SLCO5A1: variants seen among roughly 807,000 people sequenced by gnomAD.
The protein encoded by SLCO5A1 is solute carrier organic anion transporter family member 5A1.
Under a neutral mutation model 65.1 loss-of-function variants are expected in SLCO5A1, and 39 were observed. That is an observed-to-expected ratio of 0.60 (90% CI 0.46 to 0.78). The LOEUF is 0.78. SLCO5A1 is among the 30% of genes least tolerant of loss of function. The pLI is 0.00. For missense variants in SLCO5A1, 1,029 were observed against 1,069.4 expected (o/e 0.96, Z 0.53); for synonymous variants, 438 against 415.7 (o/e 1.05, Z -0.65).
intron 2 of SLCO5A1, among the ~76,000 whole-genome samples, chr8:69,763,874 C>T (rs1435118112): frequency 6.6e-6 from 1 of 151,758 alleles, no homozygotes; most frequent in Non-Finnish European, 1.5e-5. Flanking sequence ...AATCAATAAA[C>T]ACTTTTTTTT....
At chr8:69,814,801 A>G (rs1820337499) in intron 2 of SLCO5A1, among the ~76,000 whole-genome samples, 1 of 151,910 alleles carries the variant, frequency 6.6e-6, no homozygotes, top group South Asian at 2.1e-4. Context: ...GAATGGATAT[A>G]GAAAACTATT....
intron 2 of SLCO5A1, among the ~76,000 whole-genome samples, chr8:69,817,701 C>T (rs1468167800): frequency 6.6e-6 from 1 of 152,180 alleles, no homozygotes; most frequent in Non-Finnish European, 1.5e-5. Context: ...TGGAGAGAAC[C>T]TCAGCCAACC....
intron 2 of SLCO5A1, among the ~76,000 whole-genome samples, chr8:69,775,882 G>A (rs1195195489): frequency 6.6e-6 from 1 of 152,142 alleles, no homozygotes; most frequent in East Asian, 1.9e-4. Context: ...AGGTGTGGTG[G>A]TGGATGCCTG....
intron 6 of SLCO5A1, among the ~76,000 whole-genome samples, chr8:69,687,886 A>G (rs1814070063): frequency 6.6e-6 from 1 of 151,770 alleles, no homozygotes; most frequent in Non-Finnish European, 1.5e-5. Flanking sequence ...ATATAACATA[A>G]CATATGTTAA....
chr8:69,695,491 G>A (rs1016179765), intron 6 of SLCO5A1, among the ~76,000 whole-genome samples: 6 of 151,688 alleles, frequency 4.0e-5, no homozygotes, highest in Admixed American at 1.3e-4. Context: ...GCGAGATTCC[G>A]TCTCAAAAAT....
Position 69,732,743 on chromosome 8 carries a change from G to T in SLCO5A1, c.1423+5297C>A, listed in dbSNP as rs1230639330. Among the ~76,000 whole-genome samples the T allele has an allele frequency of 2.6e-5, 4 of 152,058 alleles. 1 individual carries two copies. The highest frequency in any genetic ancestry group is 5.9e-5 in the Non-Finnish European group (4 of 68,006). ...ATCTCTACTAAAAATACAAAAATTA[G>T]CTAGGCATGGTGGCGCATGCCTGTA... is the stretch of plus-strand genomic sequence containing the variant. On this transcript the variant is annotated intron_variant, in intron 5 of 9. Transcript: ENST00000260126.
chr8:69,745,116 ACTGGTAATAC>A (rs1448965233), intron 4 of SLCO5A1, among the ~76,000 whole-genome samples: 1 of 152,214 alleles, frequency 6.6e-6, no homozygotes, highest in East Asian at 1.9e-4. Flanking sequence ...TGTTGTATTA[ACTGGTAATAC>A]TAGTGAATGC....
At chr8:69,750,253 G>A (rs556436034) in intron 4 of SLCO5A1, among the ~76,000 whole-genome samples, 5 of 152,238 alleles carry the variant, frequency 3.3e-5, no homozygotes, top group Admixed American at 2.6e-4. Context: ...AAGGGGGCAA[G>A]GGTCGATGCA....
intron 2 of SLCO5A1, among the ~76,000 whole-genome samples, chr8:69,783,689 A>G (rs1053845692): frequency 6.6e-6 from 1 of 152,126 alleles, no homozygotes; most frequent in African/African-American, 2.4e-5. Flanking sequence ...CCTAATCATT[A>G]ATCAATCAGT....
intron 5 of SLCO5A1, among the ~76,000 whole-genome samples, chr8:69,718,940 A>G (rs1042897203): frequency 1.3e-5 from 2 of 152,182 alleles, no homozygotes; most frequent in East Asian, 3.8e-4. Flanking sequence ...TAACTGAGGG[A>G]TCCTGGATAA....
At chr8:69,802,141 C>G (rs915553979) in intron 2 of SLCO5A1, among the ~76,000 whole-genome samples, 1 of 152,100 alleles carries the variant, frequency 6.6e-6, no homozygotes, top group Non-Finnish European at 1.5e-5. Flanking sequence ...TACCTTATCT[C>G]TCTCCTGGAG....
intron 2 of SLCO5A1, among the ~76,000 whole-genome samples, chr8:69,784,787 G>GA (rs1343241725): frequency 4.1e-5 from 4 of 96,836 alleles, no homozygotes; most frequent in South Asian, 3.3e-4. Flanking sequence ...GACTCTGTCT[G>GA]AAAAAAAAAG....
chr8:69,834,401 G>A (rs1821326184), intron 1 of SLCO5A1, among the ~76,000 whole-genome samples: 1 of 152,230 alleles, frequency 6.6e-6, no homozygotes, highest in Non-Finnish European at 1.5e-5. Flanking sequence ...GAGGCTGGGC[G>A]GCCAAGGGTG....
intron 2 of SLCO5A1, among the ~76,000 whole-genome samples, chr8:69,809,594 C>A (rs1428273894): frequency 6.6e-6 from 1 of 152,018 alleles, no homozygotes; most frequent in Admixed American, 6.5e-5. Context: ...CACCCTGACT[C>A]CCCAAGGCTA....
chr8:69,750,029 C>T (rs529866033), intron 4 of SLCO5A1, among the ~76,000 whole-genome samples: 3 of 152,250 alleles, frequency 2.0e-5, no homozygotes, highest in East Asian at 3.9e-4. Context: ...CTCTCTGGCA[C>T]GTTTGAGGAC....
chr8:69,832,485 A>G lies in SLCO5A1; in HGVS notation c.189T>C (p.Cys63=). 3 of 1,611,886 alleles carry G rather than the reference A, an allele frequency of 1.9e-6. No individual in the cohort carries two copies. Among genetic ancestry groups the G allele is most frequent in the Admixed American group, 1.7e-5 (1 of 59,570 alleles). ...TSGDANPAFG[C]VDSSGHQELK... ...ACTCCTGGTGGCCCGAAGAATCCACACAGCCAAAGGCCGGGTTGGCGTCTC... is the reference window on the plus strand; with the variant it reads ...ACTCCTGGTGGCCCGAAGAATCCACGCAGCCAAAGGCCGGGTTGGCGTCTC... The change falls in exon 2 of 10, where the codon TGT becomes TGC. Residue 63 remains cysteine, a synonymous_variant. Transcript: ENST00000260126. This position sits in a 1 kb window ranked among gnomAD's most constrained non-coding sequence, Gnocchi z 4.5.
chr8:69,787,096 A>G (rs1267348150), intron 2 of SLCO5A1, among the ~76,000 whole-genome samples: 1 of 152,148 alleles, frequency 6.6e-6, no homozygotes, highest in Non-Finnish European at 1.5e-5. Flanking sequence ...TCACATCATC[A>G]CCCACAGCAT....
At chr8:69,705,391 A>G (rs1293516233) in intron 5 of SLCO5A1, among the ~76,000 whole-genome samples, 162 bp from the exon 6 acceptor site, 1 of 152,250 alleles carries the variant, frequency 6.6e-6, no homozygotes, top group South Asian at 2.1e-4. Context: ...ATTATTTTCA[A>G]CACATACAAT....
intron 2 of SLCO5A1, among the ~76,000 whole-genome samples, chr8:69,808,816 CT>C (rs1459027762): frequency 2.6e-5 from 4 of 152,014 alleles, no homozygotes; most frequent in Non-Finnish European, 5.9e-5. Context: ...ATAATCATAA[CT>C]AAAGGACCCA....
Sources: gnomAD v4.1 joint callset for allele counts (sites outside exome capture counted in the v4.1 genomes callset) on GRCh38, gnomAD v4.1.1 for gene constraint, Gnocchi (gnomAD v3.1) non-coding constraint, MANE v1.5 for transcripts, NCBI Gene and HGNC (gene_info 2026-07-23, HGNC 2026-07-21) for gene names.